Variants in TMEM132D observed in about 807,000 individuals in gnomAD.
TMEM132D encodes the protein transmembrane protein 132D.
A neutral mutation model predicts 62.3 loss-of-function variants in TMEM132D; 21 were observed. That is an observed-to-expected ratio of 0.34 (90% CI 0.24 to 0.49). TMEM132D has a LOEUF of 0.49. TMEM132D is among the 20% of genes least tolerant of loss of function. The pLI, the probability that TMEM132D is intolerant of heterozygous loss-of-function variation, is 0.99. For synonymous variants in TMEM132D, 621 were observed against 575.6 expected (o/e 1.08, Z -1.13); for missense variants, 1,346 against 1,402.8 (o/e 0.96, Z 0.65).
At chr12:129,842,108 T>C (rs951930678) in intron 1 of TMEM132D, among the ~76,000 whole-genome samples, 1 of 146,114 alleles carries the variant, frequency 6.8e-6, no homozygotes, top group East Asian at 2.0e-4. Flanking sequence ...TTTTTTTTTT[T>C]TTTTTTTTTT....
intron 3 of TMEM132D, among the ~76,000 whole-genome samples, chr12:129,396,277 T>C (rs993677093): frequency 1.6e-4 from 25 of 152,048 alleles, no homozygotes; most frequent in African/African-American, 5.8e-4. Context: ...TTGGAGATGA[T>C]GGTTGTGGCG....
intron 1 of TMEM132D, among the ~76,000 whole-genome samples, chr12:129,778,026 G>A (rs1391127852): frequency 1.4e-5 from 2 of 145,030 alleles, no homozygotes; most frequent in Non-Finnish European, 3.0e-5. Flanking sequence ...AAGGCAGGAG[G>A]ATCACTTGAA....
At chr12:129,340,609 C>T (rs1869442114) in intron 3 of TMEM132D, among the ~76,000 whole-genome samples, 1 of 152,168 alleles carries the variant, frequency 6.6e-6, no homozygotes, top group Admixed American at 6.5e-5. Context: ...TTTCCAGCTT[C>T]ATCCATGTCC....
intron 3 of TMEM132D, among the ~76,000 whole-genome samples, chr12:129,530,300 A>T (rs1876177954): frequency 6.6e-6 from 1 of 152,238 alleles, no homozygotes; most frequent in Admixed American, 6.5e-5. Flanking sequence ...TGCATGGCAT[A>T]TCGGAATTCA....
chr12:129,756,368 G>C (rs1275036236), intron 1 of TMEM132D, among the ~76,000 whole-genome samples: 2 of 152,146 alleles, frequency 1.3e-5, no homozygotes, highest in African/African-American at 4.8e-5. Flanking sequence ...AGGAAATTTT[G>C]ACACACACTA....
chr12:129,244,312 G>A (rs900333725), intron 4 of TMEM132D, among the ~76,000 whole-genome samples: 6 of 150,566 alleles, frequency 4.0e-5, no homozygotes, highest in Admixed American at 4.0e-4. Context: ...CGTGAGCCCG[G>A]GAGGCGGAGC....
At chr12:129,390,331 C>T (rs774440634) in intron 3 of TMEM132D, among the ~76,000 whole-genome samples, 3 of 152,252 alleles carry the variant, frequency 2.0e-5, no homozygotes, top group African/African-American at 2.4e-5. Flanking sequence ...GCAGGAACCA[C>T]GTGCCCCACA....
At chr12:129,524,339 T>A (rs142356094) in intron 3 of TMEM132D, among the ~76,000 whole-genome samples, 445 of 152,268 alleles carry the variant, frequency 2.9e-3, no homozygotes, top group South Asian at 4.8e-3. Flanking sequence ...AACAACACAT[T>A]GCTGGGGGGT....
intron 3 of TMEM132D, among the ~76,000 whole-genome samples, chr12:129,355,856 C>T (rs998091930): frequency 7.9e-5 from 12 of 152,342 alleles, no homozygotes; most frequent in Admixed American, 7.2e-4. Flanking sequence ...GTTCCTGGCC[C>T]TTGGAGGGGC....
rs1881352160 is a variant in TMEM132D, at chr12:129,700,248, C to T, written c.530G>A (p.Arg177Gln). Residue 177 changes from arginine to glutamine, a missense_variant, in exon 2 of 9, where the codon CGA becomes CAA. Coordinates refer to ENST00000422113, the MANE Select transcript of TMEM132D (RefSeq NM_133448.3). ...CAGCCGGCAGCTGCCCCGCACCTCT[C>T]GGGTCTCTCGGAAAGCAAAGACCCT... ...CLRVFAFRET[R>Q]EVRGSCRLQG... The T allele has an allele frequency of 6.2e-7, 1 of 1,613,098 alleles. No homozygotes were observed. The highest frequency in any genetic ancestry group is 8.5e-7 in the Non-Finnish European group (1 of 1,179,930).
intron 2 of TMEM132D, among the ~76,000 whole-genome samples, chr12:129,566,960 C>A (rs1293727672): frequency 6.6e-6 from 1 of 152,118 alleles, no homozygotes; most frequent in African/African-American, 2.4e-5. Flanking sequence ...TCAAGTTGTT[C>A]CGCCTTTCCA....
chr12:129,261,239 C>T (rs1168334836), intron 4 of TMEM132D, among the ~76,000 whole-genome samples: 1 of 152,158 alleles, frequency 6.6e-6, no homozygotes, highest in Non-Finnish European at 1.5e-5. Flanking sequence ...TGTGTCCCCA[C>T]CCAAATCTCA....
chr12:129,328,973 T>C (rs1869011981), intron 4 of TMEM132D, among the ~76,000 whole-genome samples: 2 of 148,816 alleles, frequency 1.3e-5, no homozygotes, highest in Non-Finnish European at 3.0e-5. Context: ...TTTATATATA[T>C]AAAGAATTTA....
chr12:129,124,330 G>T (rs1388754804), intron 5 of TMEM132D, among the ~76,000 whole-genome samples: 4 of 151,962 alleles, frequency 2.6e-5, no homozygotes, highest in African/African-American at 9.7e-5. Context: ...TCCCAAAATA[G>T]GAAGCTGTAC....
intron 2 of TMEM132D, among the ~76,000 whole-genome samples, chr12:129,580,929 G>C (rs1489336156): frequency 2.6e-5 from 4 of 152,078 alleles, no homozygotes; most frequent in African/African-American, 9.7e-5. Flanking sequence ...AATTGTACCA[G>C]TTTTCTCAAT....
intron 2 of TMEM132D, among the ~76,000 whole-genome samples, chr12:129,551,597 T>C (rs1035632168): frequency 6.6e-6 from 1 of 152,236 alleles, no homozygotes; most frequent in Non-Finnish European, 1.5e-5. Flanking sequence ...TACTTTAGTA[T>C]AGCGCCAATC....
chr12:129,167,559 T>C (rs1565984933), intron 5 of TMEM132D, among the ~76,000 whole-genome samples: 1 of 152,058 alleles, frequency 6.6e-6, no homozygotes, highest in Non-Finnish European at 1.5e-5. Context: ...GGTCCTGGCA[T>C]GGGGTCTCCA....
intron 2 of TMEM132D, among the ~76,000 whole-genome samples, chr12:129,645,783 G>A (rs77038782): frequency 5.9e-5 from 9 of 152,230 alleles, no homozygotes; most frequent in Admixed American, 1.3e-4. Flanking sequence ...GTGACCTCTG[G>A]TTACCCTTGC....
At chr12:129,861,697 T>C (rs748670559) in intron 1 of TMEM132D, among the ~76,000 whole-genome samples, 5 of 143,816 alleles carry the variant, frequency 3.5e-5, no homozygotes, top group African/African-American at 5.2e-5. Context: ...AAGGTTGCAA[T>C]GAGCCAAGAT....
Sources: gnomAD v4.1 joint callset for allele counts (sites outside exome capture counted in the v4.1 genomes callset) on GRCh38, gnomAD v4.1.1 for gene constraint, MANE v1.5 for transcripts, NCBI Gene and HGNC (gene_info 2026-07-23, HGNC 2026-07-21) for gene names.